Variants in ESRRB observed in about 807,000 individuals in gnomAD.
ESRRB encodes the protein estrogen related receptor beta, also known as steroid hormone receptor ERR2.
In ESRRB, 16 loss-of-function variants were observed where a neutral mutation model predicts 46.0. The ratio of observed to expected loss-of-function variants is 0.35; its 90% CI spans 0.24 to 0.53. ESRRB has a LOEUF of 0.53. Ranked by LOEUF, ESRRB falls within the 20% of genes least tolerant of loss-of-function variation. The probability of loss-of-function intolerance (pLI) is 0.93; values close to 1 mark genes in which losing one functional copy is unlikely to be tolerated. For missense variants in ESRRB, 488 were observed against 607.4 expected (o/e 0.80, Z 2.07); for synonymous variants, 246 against 259.6 (o/e 0.95, Z 0.50).
intron 1 of ESRRB, among the ~76,000 whole-genome samples, chr14:76,418,841 C>G (rs1268750057): frequency 6.6e-6 from 1 of 152,038 alleles, no homozygotes; most frequent in Non-Finnish European, 1.5e-5. Context: ...GTCTCAAACT[C>G]CTGGCCTCAA....
At chr14:76,314,955 T>C (rs986567963) in intron 1 of ESRRB, among the ~76,000 whole-genome samples, 1 of 152,150 alleles carries the variant, frequency 6.6e-6, no homozygotes, top group African/African-American at 2.4e-5. Flanking sequence ...ACATCCTTTT[T>C]TCTGCCACCA....
At chr14:76,407,990 A>C (rs1886262717) in intron 1 of ESRRB, among the ~76,000 whole-genome samples, 1 of 152,190 alleles carries the variant, frequency 6.6e-6, no homozygotes, top group Non-Finnish European at 1.5e-5. Context: ...ACCAGGCAGC[A>C]CACAGACCTC....
In ESRRB at chr14:76,499,893, A is replaced by G; in HGVS notation, c.*1435A>G. 6.2e-7 allele frequency: 1 copy of G among 1,614,186 alleles called. No individual in the cohort carries two copies. Among genetic ancestry groups the G allele is most frequent in the East Asian group, 2.2e-5 (1 of 44,880 alleles). ...CCAAGAGCAGCTTAGAGGATCTCCC[A>G]AGGATGAAAGAATGTCAAGCCATGA... On this transcript the variant is annotated 3_prime_UTR_variant, in exon 7 of 7. Transcript: ENST00000644823.
At position 76,376,146 on chromosome 14, in the gene ESRRB, G is replaced by T; in HGVS notation, c.-256G>T. On this transcript the variant is annotated 5_prime_UTR_variant, in exon 1 of 7. Coordinates refer to ENST00000644823, the MANE Select transcript of ESRRB (RefSeq NM_001379180.1). The surrounding 1 kb of genome is among the most constrained non-coding windows in gnomAD (Gnocchi z 4.1). ...AGGGTTAGTGGGCTCCAAGTCTCTT[G>T]TGCCCCAGCCTCCTCCACGGCTTCG... 2.7e-6 allele frequency: 1 copy of T among 371,712 alleles called. No homozygotes were observed. Among genetic ancestry groups the T allele is most frequent in the Non-Finnish European group, 4.8e-6 (1 of 209,642 alleles). The allele number at this position is 371,712 out of a possible 1,614,324, so 23.0% of individuals were successfully genotyped here.
At chr14:76,422,405 G>T (rs180998646) in intron 1 of ESRRB, among the ~76,000 whole-genome samples, 94 of 151,850 alleles carry the variant, frequency 6.2e-4, no homozygotes, top group African/African-American at 2.1e-3. Flanking sequence ...TAGAGACAAG[G>T]TTTCACCATG....
chr14:76,346,205 C>G (rs1318067745), intron 1 of ESRRB, among the ~76,000 whole-genome samples: 1 of 152,184 alleles, frequency 6.6e-6, no homozygotes, highest in Non-Finnish European at 1.5e-5. Context: ...CTATTCAACC[C>G]AGTACATGGT....
At chr14:76,413,300 C>G (rs1886519233) in intron 1 of ESRRB, among the ~76,000 whole-genome samples, 1 of 152,202 alleles carries the variant, frequency 6.6e-6, no homozygotes, top group African/African-American at 2.4e-5. Flanking sequence ...GGTCTCCTGA[C>G]AGACCCCCAC....
At chr14:76,463,035 C>CAT (rs1187345892) in intron 3 of ESRRB, among the ~76,000 whole-genome samples, 2 of 152,198 alleles carry the variant, frequency 1.3e-5, no homozygotes, top group Admixed American at 6.5e-5. Context: ...AGGACAGACA[C>CAT]ATTAAGTCCG....
intron 1 of ESRRB, among the ~76,000 whole-genome samples, chr14:76,419,742 G>A (rs1200422298): frequency 6.6e-6 from 1 of 152,212 alleles, no homozygotes; most frequent in African/African-American, 2.4e-5. Context: ...ATGGGTTACT[G>A]TAGGCTCATA....
intron 1 of ESRRB, among the ~76,000 whole-genome samples, chr14:76,401,940 C>G (rs1052634418): frequency 6.6e-6 from 1 of 152,178 alleles, no homozygotes; most frequent in East Asian, 1.9e-4. Context: ...AAGCTGGAGA[C>G]CCAGGAGAGC....
chr14:76,483,216 G>A (rs1260436150), intron 5 of ESRRB, among the ~76,000 whole-genome samples: 2 of 152,134 alleles, frequency 1.3e-5, no homozygotes, highest in Non-Finnish European at 2.9e-5. Context: ...TCCAATTCTG[G>A]GTCTGCAGCT....
intron 3 of ESRRB, among the ~76,000 whole-genome samples, chr14:76,464,996 G>C (rs1379518459): frequency 1.3e-5 from 2 of 152,034 alleles, no homozygotes; most frequent in Non-Finnish European, 2.9e-5. Context: ...CTCACATACA[G>C]AGCTGGATGT....
chr14:76,489,494 C>T (rs1282761244), intron 5 of ESRRB, among the ~76,000 whole-genome samples: 1 of 147,614 alleles, frequency 6.8e-6, no homozygotes, highest in Admixed American at 6.8e-5. Flanking sequence ...GATCCCCTGT[C>T]ACAGCCTCTC....
At chr14:76,366,615 T>A (rs751513542), upstream of ESRRB, among the ~76,000 whole-genome samples, 5 of 152,034 alleles carry the variant, frequency 3.3e-5, no homozygotes, top group Non-Finnish European at 5.9e-5. Context: ...GAAGGGGAGA[T>A]GGTCGCCCCG....
chr14:76,439,581 C>G lies in ESRRB; in HGVS notation c.291C>G (p.Tyr97Ter). 1.2e-6 allele frequency: 2 copies of G among 1,614,180 alleles called. No individual in the cohort carries two copies. The highest frequency in any genetic ancestry group is 1.7e-5 in the Admixed American group (1 of 60,032). Residue 97 changes from tyrosine (Y) to a stop codon, truncating the protein, a stop_gained, in exon 2 of 7, where the codon TAC becomes TAG. Transcript: ENST00000644823. LOFTEE classifies it high-confidence loss of function. ...GAGGCACCCCATGCCGCAAGAGCTACGAGGACTGTGCCAGCGGCATCATGG... is the reference window on the plus strand; with the variant it reads ...GAGGCACCCCATGCCGCAAGAGCTAGGAGGACTGTGCCAGCGGCATCATGG... ...GLGGTPCRKS[Y>*]EDCASGIMED...
chr14:76,437,662 A>T (rs973659809), intron 1 of ESRRB, among the ~76,000 whole-genome samples: 6 of 152,036 alleles, frequency 3.9e-5, no homozygotes, highest in African/African-American at 1.5e-4. Context: ...CAGCCTGTCA[A>T]GGACAGGGAC....
At chr14:76,377,868 C>T (rs1884843410) in intron 1 of ESRRB, among the ~76,000 whole-genome samples, 3 of 152,180 alleles carry the variant, frequency 2.0e-5, no homozygotes, top group Admixed American at 2.0e-4. Context: ...GGGATTTTCC[C>T]CACTCCACCC....
At position 76,363,727 on chromosome 14, in the gene ESRRB, A is replaced by G. The variant is rs181799478; in HGVS notation, c.2+52811A>G. 2.6e-5 allele frequency among the ~76,000 whole-genome samples: 4 copies of G among 152,158 alleles called. No homozygotes were observed. In the East Asian group the frequency reaches 5.8e-4, roughly 22 times the overall value. On this transcript the variant is annotated intron_variant, in intron 1 of 6. Transcript: ENST00000512784. ...CCATCAATTGGTTGGACCTACGCACATATTTCCCCAGTTATCTACAGTGCT... is the reference window on the plus strand; with the variant it reads ...CCATCAATTGGTTGGACCTACGCACGTATTTCCCCAGTTATCTACAGTGCT...
chr14:76,428,802 C>G (rs1315139177), intron 1 of ESRRB, among the ~76,000 whole-genome samples: 1 of 152,158 alleles, frequency 6.6e-6, no homozygotes, highest in East Asian at 1.9e-4. Flanking sequence ...TTGAAAGGCA[C>G]TAATTACCCA....
Sources: allele counts gnomAD v4.1 joint callset (sites outside exome capture counted in the v4.1 genomes callset), GRCh38; gene constraint gnomAD v4.1.1; non-coding constraint Gnocchi (gnomAD v3.1); transcripts MANE v1.5; gene names NCBI Gene and HGNC (gene_info 2026-07-23, HGNC 2026-07-21).